INTS13: variants seen among roughly 807,000 people sequenced by gnomAD.
INTS13 encodes the protein integrator complex subunit 13.
In INTS13, 35 loss-of-function variants were observed where a neutral mutation model predicts 90.2. The ratio of observed to expected loss-of-function variants is 0.39; its 90% CI spans 0.30 to 0.51. The LOEUF (loss-of-function observed/expected upper bound fraction) is 0.51, where lower values mean the gene tolerates loss of function less well. INTS13 is among the 20% of genes least tolerant of loss of function. INTS13 has a pLI of 0.80. For synonymous variants in INTS13, 309 were observed against 277.1 expected (o/e 1.11, Z -1.14); for missense variants, 601 against 851.2 (o/e 0.71, Z 3.66).
Position 26,921,082 on chromosome 12 carries a change from C to A in INTS13, c.889+1534G>T, listed in dbSNP as rs571615900. On this transcript the variant is annotated intron_variant, in intron 8 of 16. Transcript: ENST00000261191. ...TTGTATTTTAGAATTGAATGGAATA[C>A]TACAGCTCATCTAATCCAGCATCTT... Among the ~76,000 whole-genome samples the A allele has an allele frequency of 8.5e-5, 13 of 152,312 alleles. No individual in the cohort carries two copies. The South Asian group carries it at 2.5e-3, about 29-fold the overall frequency.
intron 15 of INTS13, among the ~76,000 whole-genome samples, chr12:26,910,889 G>A (rs1428227665): frequency 2.0e-5 from 3 of 151,942 alleles, no homozygotes; most frequent in Admixed American, 6.6e-5. Context: ...AGGCTGAAGT[G>A]CAATGGTGCG....
At chr12:26,906,209 T>C (rs1404362998) in intron 16 of INTS13, 93 bp downstream of exon 16, 8 of 1,250,320 alleles carry the variant, frequency 6.4e-6, no homozygotes, top group African/African-American at 1.5e-5. Context: ...ATATTAGTAA[T>C]AAAAAACTGC....
chr12:26,913,515 T>C lies in INTS13; in HGVS notation c.1747A>G (p.Lys583Glu). The stretch of plus-strand genomic sequence containing the variant: ...TAATCTTTCACTGCTTTCTCTGACT[T>C]GTCCTCTTTGTCTTCCCTCTTTCTT... ...RGRKREDKED[K>E]SEKAVKDYEQ... Residue 583 changes from lysine (K) to glutamate (E), a missense_variant, in exon 14 of 17, where the codon AAG becomes GAG. Coordinates refer to ENST00000261191, the MANE Select transcript of INTS13 (RefSeq NM_018164.3). The C allele has an allele frequency of 6.2e-7, 1 of 1,614,156 alleles. No individual in the cohort carries two copies. Among genetic ancestry groups the C allele is most frequent in the South Asian group, 1.1e-5 (1 of 91,082 alleles).
chr12:26,928,805 CAG>C lies in INTS13; in HGVS notation c.399_400del (p.Cys134GlnfsTer4), dbSNP rs749974471. ...CTCATGTTGGTATTCAGTAATTTTG[CAG>C]AGAGTTTCCACTGCTGCAACAAGGC... is the stretch of plus-strand genomic sequence containing the variant. On this transcript the variant is annotated frameshift_variant, in exon 4 of 17. Transcript: ENST00000261191. LOFTEE classifies it high-confidence loss of function. 10 of 1,614,162 alleles carry C rather than the reference CAG, an allele frequency of 6.2e-6. No individual in the cohort carries two copies. Among genetic ancestry groups the C allele is most frequent in the Non-Finnish European group, 7.6e-6 (9 of 1,180,028 alleles).
intron 15 of INTS13, among the ~76,000 whole-genome samples, chr12:26,907,479 T>A (rs1349106938): frequency 1.3e-5 from 2 of 152,244 alleles, no homozygotes; most frequent in Non-Finnish European, 2.9e-5. Context: ...GACCTAAATG[T>A]AAATCTAAAA....
intron 3 of INTS13, among the ~76,000 whole-genome samples, chr12:26,929,947 T>G (rs1938101999): frequency 6.6e-6 from 1 of 152,180 alleles, no homozygotes; most frequent in African/African-American, 2.4e-5. Flanking sequence ...ACTAAAAAAC[T>G]ATTATAACTA....
chr12:26,914,366 A>AT, intron 12 of INTS13, 42 bp downstream of exon 12: 1 of 1,541,026 alleles, frequency 6.5e-7, no homozygotes, highest in Non-Finnish European at 8.8e-7. Context: ...TAAAGAATAT[A>AT]TAACTAATCT....
chr12:26,925,758 C>T lies in INTS13; in HGVS notation c.675+3G>A. 6.2e-7 allele frequency: 1 copy of T among 1,601,484 alleles called. No individual in the cohort carries two copies. The highest frequency in any genetic ancestry group is 8.5e-7 in the Non-Finnish European group (1 of 1,170,208). On this transcript the variant is annotated splice_donor_region_variant and intron_variant, in intron 6 of 16. Coordinates refer to ENST00000261191, the MANE Select transcript of INTS13 (RefSeq NM_018164.3). ...TCTTTTCTTTCATTATTTCAACACT[C>T]ACCTCTTTTTTAGAACGATCAGATA...
intron 15 of INTS13, among the ~76,000 whole-genome samples, chr12:26,909,458 G>A (rs576780437): frequency 2.0e-5 from 3 of 147,800 alleles, no homozygotes; most frequent in East Asian, 2.0e-4. Context: ...ATTTTTGCCA[G>A]TATAGATAAT....
At chr12:26,923,140 T>G (rs1937677301) in intron 7 of INTS13, among the ~76,000 whole-genome samples, 1 of 152,084 alleles carries the variant, frequency 6.6e-6, no homozygotes, top group African/African-American at 2.4e-5. Flanking sequence ...AAATATAAAC[T>G]AATAAACAAG....
At chr12:26,910,203 A>G (rs1459597144) in intron 15 of INTS13, among the ~76,000 whole-genome samples, 2 of 152,214 alleles carry the variant, frequency 1.3e-5, no homozygotes, top group Non-Finnish European at 2.9e-5. Context: ...GTGATATTAC[A>G]TATTTCTAGG....
Position 26,905,396 on chromosome 12 carries a change from C to A in INTS13, c.*101G>T. 9.4e-7 allele frequency: 1 copy of A among 1,063,822 alleles called. No homozygotes were observed. The highest frequency in any genetic ancestry group is 1.4e-6 in the Non-Finnish European group (1 of 720,218). 65.9% of individuals were successfully genotyped at this position (1,063,822 alleles called of 1,614,324 possible). ...ATATTTTAAAAATGTAAAAACCAGT[C>A]CAGGCAACATAACTATACCATCTTG... On this transcript the variant is annotated 3_prime_UTR_variant, in exon 17 of 17. Transcript: ENST00000261191.
At chr12:26,917,811 A>AT in intron 8 of INTS13, 78 bp from the exon 9 acceptor site, 4 of 581,558 alleles carry the variant, frequency 6.9e-6, no homozygotes, top group Non-Finnish European at 9.5e-6. Context: ...AATATGTACA[A>AT]TTATGTTTTA....
intron 7 of INTS13, among the ~76,000 whole-genome samples, chr12:26,924,115 G>C (rs1363019591): frequency 6.6e-6 from 1 of 151,912 alleles, no homozygotes; most frequent in African/African-American, 2.4e-5. Flanking sequence ...AAAAGGTAAA[G>C]GTTCAATTAA....
intron 15 of INTS13, among the ~76,000 whole-genome samples, chr12:26,908,526 T>C (rs1048308089): frequency 6.6e-6 from 1 of 151,832 alleles, no homozygotes; most frequent in Non-Finnish European, 1.5e-5. Context: ...TATCAACAAA[T>C]GGTTATTTTG....
At chr12:26,933,436 T>C (rs1938304402) in intron 3 of INTS13, among the ~76,000 whole-genome samples, 1 of 152,118 alleles carries the variant, frequency 6.6e-6, no homozygotes, top group Admixed American at 6.5e-5. Flanking sequence ...AAAAATGGTG[T>C]TAGGCTTCTC....
At position 26,936,789 on chromosome 12, in the gene INTS13, A is replaced by G; in HGVS notation, c.15T>C (p.Ser5=). 1 of 1,612,926 alleles carries G rather than the reference A, an allele frequency of 6.2e-7. No individual in the cohort carries two copies. Among genetic ancestry groups the G allele is most frequent in the Non-Finnish European group, 8.5e-7 (1 of 1,179,006 alleles). The change falls in exon 2 of 17, where the codon TCT becomes TCC. Residue 5 remains serine (S), a synonymous_variant. Coordinates refer to ENST00000261191, the MANE Select transcript of INTS13 (RefSeq NM_018164.3). Reference sequence around the variant, plus strand: ...CAACAAACACTGTTTTATGAGATTCAGAAAAAATCTTCATTTTGTTTTAAC... The same window carrying G: ...CAACAAACACTGTTTTATGAGATTCGGAAAAAATCTTCATTTTGTTTTAAC... MKIF[S]ESHKTVFVVD...
rs1225400186 is a variant in INTS13, at chr12:26,924,554, A to C, written c.676-71T>G. ...ATTGTGACCTACTGCTAAATATTTT[A>C]GTATAAATCCATTAAAATTAAGTAT... On this transcript the variant is annotated intron_variant, in intron 6 of 16. Coordinates refer to ENST00000261191, the MANE Select transcript of INTS13 (RefSeq NM_018164.3). 3 of 1,433,762 alleles carry C rather than the reference A, an allele frequency of 2.1e-6. No individual in the cohort carries two copies. The African/African-American group carries it at 4.4e-5, about 21-fold the overall frequency. The allele number at this position is 1,433,762 out of a possible 1,614,324, so 88.8% of individuals were successfully genotyped here.
intron 6 of INTS13, 37 bp downstream of exon 6, chr12:26,925,724 C>G: frequency 6.8e-7 from 1 of 1,464,508 alleles, no homozygotes; most frequent in Non-Finnish European, 9.5e-7. Context: ...TTATTATTAA[C>G]CACAATAGTC....
Sources: allele counts gnomAD v4.1 joint callset (sites outside exome capture counted in the v4.1 genomes callset), GRCh38; gene constraint gnomAD v4.1.1; transcripts MANE v1.5; gene names NCBI Gene and HGNC (gene_info 2026-07-23, HGNC 2026-07-21).